The following UNC13C variants were observed in gnomAD, a reference collection of about 807,000 sequenced individuals.
UNC13C encodes protein unc-13 homolog C.
A neutral mutation model predicts 245.4 loss-of-function variants in UNC13C; 174 were observed. The ratio of observed to expected loss-of-function variants is 0.71; its 90% confidence interval spans 0.63 to 0.80. The LOEUF is 0.80. Among genes scored for constraint, UNC13C ranks in the 30% least tolerant of loss-of-function variants. UNC13C has a pLI of 0.00. For synonymous variants in UNC13C, 992 were observed against 895.1 expected, an observed-to-expected ratio of 1.11 and a Z score of -1.93; for missense variants, 2,829 against 2,602.9, an observed-to-expected ratio of 1.09 and a Z score of -1.89.
the UNC13C span, among the ~76,000 whole-genome samples, chr15:53,873,923 T>C: frequency 8.5e-3 from 403 of 47,460 alleles, 12 homozygotes; most frequent in East Asian, 0.02. Flanking sequence ...TTCCTTCCTT[T>C]CTTCCTTCCT....
chr15:54,293,550 C>G (rs564620881), intron 10 of UNC13C, among the ~76,000 whole-genome samples: 1 of 151,956 alleles, frequency 6.6e-6, no homozygotes, highest in South Asian at 2.1e-4. Flanking sequence ...GAAGAATTTT[C>G]CAAGCATGGA....
chr15:54,283,814 A>C (rs1035290449), intron 10 of UNC13C, among the ~76,000 whole-genome samples: 1 of 152,134 alleles, frequency 6.6e-6, no homozygotes, highest in African/African-American at 2.4e-5. Flanking sequence ...GCTCAGTGCA[A>C]CTGAGCAACT....
chr15:54,487,323 T>C (rs1893466003), intron 19 of UNC13C, among the ~76,000 whole-genome samples: 1 of 152,214 alleles, frequency 6.6e-6, no homozygotes, highest in Non-Finnish European at 1.5e-5. Flanking sequence ...TAAGGCACTA[T>C]TTCTTTAATT....
At chr15:54,495,766 T>C (rs981080464) in intron 20 of UNC13C, among the ~76,000 whole-genome samples, 1 of 151,740 alleles carries the variant, frequency 6.6e-6, no homozygotes, top group African/African-American at 2.4e-5. Context: ...ATTGTGGGAG[T>C]TGGAAGAGAC....
At chr15:54,377,538 T>G (rs1417067328) in intron 17 of UNC13C, among the ~76,000 whole-genome samples, 1 of 152,232 alleles carries the variant, frequency 6.6e-6, no homozygotes, top group African/African-American at 2.4e-5. Context: ...TACTTAAAAC[T>G]TGTCTTAATC....
At chr15:54,117,391 GTAGTTTTA>G (rs111306753) in intron 2 of UNC13C, among the ~76,000 whole-genome samples, 44 of 152,124 alleles carry the variant, frequency 2.9e-4, no homozygotes, top group African/African-American at 1.0e-3. Context: ...TTATCTTCTA[GTAGTTTTA>G]TAGTTTCAGG....
intron 2 of UNC13C, among the ~76,000 whole-genome samples, chr15:54,043,446 A>G (rs1255995681): frequency 6.6e-6 from 1 of 152,070 alleles, no homozygotes; most frequent in Non-Finnish European, 1.5e-5. Flanking sequence ...GTTTATTTTT[A>G]CTCTGGATTT....
intron 24 of UNC13C, among the ~76,000 whole-genome samples, chr15:54,512,767 T>C (rs1894807902): frequency 6.6e-6 from 1 of 152,190 alleles, no homozygotes; most frequent in African/African-American, 2.4e-5. Context: ...AGGATGCATT[T>C]CAAAGTAAAT....
chr15:54,374,441 G>C (rs1211309295), intron 17 of UNC13C, among the ~76,000 whole-genome samples: 1 of 152,186 alleles, frequency 6.6e-6, no homozygotes, highest in Non-Finnish European at 1.5e-5. Flanking sequence ...AGGGGCCAAG[G>C]CAGCAGGGAG....
Position 54,500,184 on chromosome 15 carries a change from A to G in UNC13C, c.5157+9A>G, listed in dbSNP as rs1390717037. On this transcript the variant is annotated intron_variant, in intron 21 of 32. Transcript: ENST00000260323. ...GAGACAAAAAAGATGGAGTGAGTTTAAATTACCTTAAGAAAGTTCATTGCC... is the reference window on the plus strand; with the variant it reads ...GAGACAAAAAAGATGGAGTGAGTTTGAATTACCTTAAGAAAGTTCATTGCC... 6.3e-7 allele frequency: 1 copy of G among 1,591,160 alleles called. No individual in the cohort carries two copies. The highest frequency in any genetic ancestry group is 8.6e-7 in the Non-Finnish European group (1 of 1,163,474).
chr15:54,498,910 C>A (rs999115263), intron 20 of UNC13C, among the ~76,000 whole-genome samples: 34 of 152,036 alleles, frequency 2.2e-4, no homozygotes, highest in Non-Finnish European at 8.8e-5. Flanking sequence ...TGTAGAAATG[C>A]AAAGTGCTTA....
In UNC13C at chr15:54,013,585, C is replaced by A. The variant is rs768005304; in HGVS notation, c.682C>A (p.Pro228Thr). 1.1e-5 allele frequency: 18 copies of A among 1,613,392 alleles called. No individual in the cohort carries two copies. In the East Asian group the frequency reaches 3.6e-4, roughly 32 times the overall value. ...AAACCCAAAGACAAATGCCCTGGAG[C>A]CAGGGTTCAGTTCCTCTGGCTGCAT... ...VRNPKTNALE[P>T]GFSSSGCISQ... Residue 228 changes from proline (P) to threonine (T), a missense_variant, in exon 2 of 33, where the codon CCA becomes ACA. Transcript: ENST00000260323.
At chr15:54,119,607 C>T (rs975107299) in intron 2 of UNC13C, among the ~76,000 whole-genome samples, 3 of 152,064 alleles carry the variant, frequency 2.0e-5, no homozygotes, top group Non-Finnish European at 4.4e-5. Context: ...TGAAGAGTCA[C>T]ACATCTCTCA....
Position 54,379,199 on chromosome 15 carries a change from A to T in UNC13C, c.4714-13849A>T, listed in dbSNP as rs535381510. Among the ~76,000 whole-genome samples, 35 of 152,232 alleles carry T rather than the reference A, an allele frequency of 2.3e-4. 1 individual carries two copies. In the South Asian group the frequency reaches 6.8e-3, roughly 30 times the overall value. On this transcript the variant is annotated intron_variant, in intron 17 of 32. Coordinates refer to ENST00000260323, the MANE Select transcript of UNC13C (RefSeq NM_001080534.3). ...TAATCCCTTAGTAACTATTAATTTT[A>T]AAAGTAATGTTTTATATAGGGTCTA...
At position 54,474,250 on chromosome 15, in the gene UNC13C, C is replaced by A. The variant is rs148827940; in HGVS notation, c.4934-20358C>A. Among the ~76,000 whole-genome samples the A allele has an allele frequency of 5.4e-3, 815 of 152,052 alleles. 6 individuals carry two copies. The highest frequency in any genetic ancestry group is 7.1e-3 in the Non-Finnish European group (483 of 67,918). ...ATTTTTAGTTTTTATGATAAATCTT[C>A]ATACTGTTTTCCATAATGGCTATAC... On this transcript the variant is annotated intron_variant, in intron 19 of 32. Transcript: ENST00000260323.
upstream of UNC13C, chr15:53,977,031 C>G (rs1893731362): frequency 6.6e-6 from 1 of 152,200 alleles, no homozygotes; most frequent in Admixed American, 6.5e-5. Context: ...AGAGCTTTGT[C>G]CTGCCTGCCA....
chr15:54,031,810 A>T (rs535161554), intron 2 of UNC13C, among the ~76,000 whole-genome samples: 3 of 152,260 alleles, frequency 2.0e-5, no homozygotes, highest in African/African-American at 7.2e-5. Flanking sequence ...AAAATTAAGC[A>T]TAATTATAGT....
intron 11 of UNC13C, among the ~76,000 whole-genome samples, chr15:54,296,440 G>T (rs186422688): frequency 6.8e-6 from 1 of 146,900 alleles, no homozygotes; most frequent in Non-Finnish European, 1.5e-5. Flanking sequence ...GAATGGTCTC[G>T]ATCTCCTGAC....
At chr15:54,244,029 G>A (rs753184433) in intron 7 of UNC13C, among the ~76,000 whole-genome samples, 13 of 152,196 alleles carry the variant, frequency 8.5e-5, no homozygotes, top group Middle Eastern at 3.4e-3. Flanking sequence ...TGCTTTTGGC[G>A]TTTTTGTCAT....
Sources: allele counts gnomAD v4.1 joint callset (sites outside exome capture counted in the v4.1 genomes callset), GRCh38; gene constraint gnomAD v4.1.1; transcripts MANE v1.5; gene names NCBI Gene and HGNC (gene_info 2026-07-23, HGNC 2026-07-21).